IGSF21: variants seen among roughly 807,000 people sequenced by gnomAD.
The protein encoded by IGSF21 is immunoglobulin superfamily member 21.
In IGSF21, 28 loss-of-function variants were observed where a neutral mutation model predicts 46.8. That is an observed-to-expected ratio of 0.60 (90% CI 0.44 to 0.82). The LOEUF (loss-of-function observed/expected upper bound fraction) is 0.82, where lower values mean the gene tolerates loss of function less well. Ranked by LOEUF, IGSF21 falls within the 40% of genes least tolerant of loss-of-function variation. The pLI is 0.00. For synonymous variants in IGSF21, 284 were observed against 273.6 expected (o/e 1.04, Z -0.38); for missense variants, 624 against 665.5 (o/e 0.94, Z 0.69).
At chr1:18,247,099 G>A (rs1253881576) in intron 2 of IGSF21, among the ~76,000 whole-genome samples, 1 of 147,616 alleles carries the variant, frequency 6.8e-6, no homozygotes, top group Admixed American at 6.8e-5. Flanking sequence ...CGCCCAGGCT[G>A]GAGTGCAGTG....
intron 4 of IGSF21, 143 bp from the exon 5 acceptor site, chr1:18,361,972 A>C (rs146032675): frequency 1.6e-6 from 1 of 616,376 alleles, no homozygotes; most frequent in African/African-American, 1.8e-5. Context: ...GTGGATACCA[A>C]TGGCACCCCC....
At chr1:18,277,751 G>A (rs1557620926) in intron 2 of IGSF21, among the ~76,000 whole-genome samples, 1 of 152,172 alleles carries the variant, frequency 6.6e-6, no homozygotes, top group Non-Finnish European at 1.5e-5. Flanking sequence ...AAAATATTAT[G>A]CTGGGAGAAA....
intron 2 of IGSF21, among the ~76,000 whole-genome samples, chr1:18,254,997 C>T (rs2084877214): frequency 6.6e-6 from 1 of 152,234 alleles, no homozygotes; most frequent in Admixed American, 6.5e-5. Flanking sequence ...GGTTAGTTCA[C>T]ACAGCCTATC....
At chr1:18,367,303 A>G (rs1444252128) in intron 6 of IGSF21, among the ~76,000 whole-genome samples, 2 of 152,222 alleles carry the variant, frequency 1.3e-5, no homozygotes, top group African/African-American at 4.8e-5. Context: ...GATAGTATGT[A>G]CTATGTGCCA....
intron 1 of IGSF21, chr1:18,112,951 C>T (rs1022937347): frequency 6.6e-6 from 1 of 152,256 alleles, no homozygotes; most frequent in Non-Finnish European, 1.5e-5. Context: ...CCTCCCTCTC[C>T]ACCTCCTTTC....
rs372505190 is a variant in IGSF21 at position 18,335,055 on chromosome 1, G to A, written c.424+45G>A. On this transcript the variant is annotated intron_variant, in intron 4 of 9. Coordinates refer to ENST00000251296, the MANE Select transcript of IGSF21 (RefSeq NM_032880.5). The surrounding 1 kb of genome is among the most constrained non-coding windows in gnomAD (Gnocchi z 4.8). ...CCCCTGGTGTCTCAGTGAGGAGGAC[G>A]AGTATGCTTGAGTGTGTGAATGTGC... The A allele has an allele frequency of 7.8e-6, 11 of 1,417,360 alleles. No individual in the cohort carries two copies. The highest frequency in any genetic ancestry group is 1.4e-5 in the African/African-American group (1 of 71,052). The allele number at this position is 1,417,360 out of a possible 1,614,324, so 87.8% of individuals were successfully genotyped here.
At chr1:18,283,434 C>G (rs1312775518) in intron 2 of IGSF21, among the ~76,000 whole-genome samples, 6 of 152,184 alleles carry the variant, frequency 3.9e-5, no homozygotes, top group Non-Finnish European at 8.8e-5. Flanking sequence ...CAGAGCCTGC[C>G]CTACCCTCTC....
At chr1:18,351,951 G>A (rs2085961538) in intron 4 of IGSF21, among the ~76,000 whole-genome samples, 1 of 152,208 alleles carries the variant, frequency 6.6e-6, no homozygotes, top group Non-Finnish European at 1.5e-5. Flanking sequence ...AAAACTCCAG[G>A]AGCAGAGAGG....
chr1:18,177,646 A>G (rs1448582166), intron 1 of IGSF21, among the ~76,000 whole-genome samples: 1 of 152,082 alleles, frequency 6.6e-6, no homozygotes, highest in African/African-American at 2.4e-5. Context: ...ATGGGTTTGC[A>G]TAGTGCCTGG....
At position 18,109,036 on chromosome 1, in the gene IGSF21, C is replaced by T. The variant is rs935392498; in HGVS notation, c.70+838C>T. ...TGTGTCCCGCCGTGTGGACTTGCTC[C>T]CGGGTTAGGCTAAGACAGCTAGAAG... On this transcript the variant is annotated intron_variant, in intron 1 of 9. Transcript: ENST00000251296. The surrounding 1 kb of genome is among the most constrained non-coding windows in gnomAD (Gnocchi z 4.8). Among the ~76,000 whole-genome samples the T allele has an allele frequency of 1.5e-5, 2 of 130,052 alleles. No individual in the cohort carries two copies. The highest frequency in any genetic ancestry group is 3.3e-5 in the Non-Finnish European group (2 of 59,714). 85.3% of individuals were successfully genotyped at this position (130,052 alleles called of 152,430 possible). A position where few individuals can be genotyped will look rare whatever the true frequency, so the allele number is the denominator to read the frequency against.
At chr1:18,253,894 A>T (rs1164984129) in intron 2 of IGSF21, among the ~76,000 whole-genome samples, 1 of 152,192 alleles carries the variant, frequency 6.6e-6, no homozygotes, top group Non-Finnish European at 1.5e-5. Context: ...TGAAAGGTGG[A>T]TCAAGTCAGG....
chr1:18,360,558 A>G (rs1346206374), intron 4 of IGSF21, among the ~76,000 whole-genome samples: 1 of 152,086 alleles, frequency 6.6e-6, no homozygotes, highest in East Asian at 1.9e-4. Context: ...ATTTAATTAA[A>G]CTTAACTAGA....
intron 1 of IGSF21, among the ~76,000 whole-genome samples, chr1:18,216,857 G>T (rs916129790): frequency 6.6e-6 from 1 of 152,130 alleles, no homozygotes; most frequent in African/African-American, 2.4e-5. Context: ...TTGGTTTGTT[G>T]TAATAATATT....
intron 1 of IGSF21, among the ~76,000 whole-genome samples, chr1:18,168,056 C>T (rs950674567): frequency 1.3e-5 from 2 of 152,036 alleles, no homozygotes; most frequent in South Asian, 4.2e-4. Context: ...TCCAAAATGT[C>T]CCCCAGGGGC....
intron 2 of IGSF21, among the ~76,000 whole-genome samples, chr1:18,264,142 A>T (rs999785682): frequency 6.6e-6 from 1 of 152,280 alleles, no homozygotes; most frequent in East Asian, 1.9e-4. Context: ...TTCCTTGCTC[A>T]TTATCTTAAA....
chr1:18,137,560 T>G (rs570773426), intron 1 of IGSF21, among the ~76,000 whole-genome samples: 1 of 152,238 alleles, frequency 6.6e-6, no homozygotes, highest in East Asian at 1.9e-4. Flanking sequence ...GCACCATATT[T>G]CATAGCTGGG....
chr1:18,338,964 C>T (rs910474357), intron 4 of IGSF21, among the ~76,000 whole-genome samples: 1 of 152,134 alleles, frequency 6.6e-6, no homozygotes, highest in Admixed American at 6.5e-5. Flanking sequence ...CCAGGCACCC[C>T]ACTCCCATCC....
intron 3 of IGSF21, among the ~76,000 whole-genome samples, chr1:18,294,347 A>G (rs1309859144): frequency 6.6e-6 from 1 of 152,224 alleles, no homozygotes; most frequent in African/African-American, 2.4e-5. Context: ...ACCATAAAAC[A>G]AAACAAAAAA....
chr1:18,282,564 G>A (rs1025579207), intron 2 of IGSF21, among the ~76,000 whole-genome samples: 11 of 151,820 alleles, frequency 7.2e-5, no homozygotes. Context: ...CGACTGGTGG[G>A]TGCCTATCTG....
Sources: allele counts gnomAD v4.1 joint callset (sites outside exome capture counted in the v4.1 genomes callset), GRCh38; gene constraint gnomAD v4.1.1; non-coding constraint Gnocchi (gnomAD v3.1); transcripts MANE v1.5; gene names NCBI Gene and HGNC (gene_info 2026-07-23, HGNC 2026-07-21).